SNX29: variants seen among roughly 807,000 people sequenced by gnomAD.
SNX29 encodes the protein sorting nexin-29.
SNX29 carries 78 observed loss-of-function variants against 102.1 expected under a neutral mutation model. The observed-to-expected ratio is 0.76, with a 90% confidence interval of 0.64 to 0.92. SNX29 has a LOEUF of 0.92. Among genes scored for constraint, SNX29 ranks in the 40% least tolerant of loss-of-function variants. The pLI is 0.00. For synonymous variants in SNX29, 580 were observed against 414.5 expected (o/e 1.40, Z -4.85); for missense variants, 1,280 against 1,061.7 (o/e 1.21, Z -2.86).
chr16:12,017,200 A>G (rs567321524), intron 3 of SNX29, among the ~76,000 whole-genome samples: 6 of 152,318 alleles, frequency 3.9e-5, no homozygotes, highest in African/African-American at 9.6e-5. Context: ...TTCTATTCCT[A>G]TTGGCAATAC....
chr16:12,121,941 G>A (rs1350556177), intron 11 of SNX29, among the ~76,000 whole-genome samples: 2 of 151,922 alleles, frequency 1.3e-5, no homozygotes. Flanking sequence ...TCAACCTCCC[G>A]AGTACCCAGG....
At chr16:12,068,929 A>G (rs2051163683) in intron 9 of SNX29, 128 bp from the exon 10 acceptor site, 1 of 774,704 alleles carries the variant, frequency 1.3e-6, no homozygotes, top group Non-Finnish European at 2.1e-6. Flanking sequence ...AGCTTGCAGG[A>G]GAGATGGAGA....
At chr16:12,339,370 CAAAAAA>C (rs58148692) in intron 15 of SNX29, among the ~76,000 whole-genome samples, 14 of 56,282 alleles carry the variant, frequency 2.5e-4, no homozygotes, top group Admixed American at 1.3e-3. Context: ...GATTCTGTCT[CAAAAAA>C]AAAAAAAAAA....
At chr16:12,224,030 C>A (rs747053560) in intron 14 of SNX29, among the ~76,000 whole-genome samples, 1 of 152,212 alleles carries the variant, frequency 6.6e-6, no homozygotes, top group African/African-American at 2.4e-5. Context: ...TCCAGAGCCA[C>A]GGCTTCTACC....
At chr16:12,173,644 G>C (rs895552158) in intron 13 of SNX29, among the ~76,000 whole-genome samples, 1 of 152,186 alleles carries the variant, frequency 6.6e-6, no homozygotes, top group East Asian at 1.9e-4. Context: ...AACACCTTCT[G>C]CTTCTGGAGC....
rs59650769 is a variant in SNX29, at chr16:12,481,513, GACACAC to G, written c.2178+3691_2178+3696del. On this transcript the variant is annotated intron_variant, in intron 19 of 20. Transcript: ENST00000566228. Reference sequence around the variant, plus strand: ...ATACACATATGTACATATACATATAGACACACACACACACACACACACACACACACA... The same window carrying G: ...ATACACATATGTACATATACATATAGACACACACACACACACACACACACA... Among the ~76,000 whole-genome samples, 608 of 125,656 alleles carry G rather than the reference GACACAC, an allele frequency of 4.8e-3. 13 individuals are homozygous for G. Among genetic ancestry groups the G allele is most frequent in the African/African-American group, 0.016 (476 of 30,556 alleles). 82.4% of individuals were successfully genotyped at this position (125,656 alleles called of 152,430 possible). A position where few individuals can be genotyped will look rare whatever the true frequency, so the allele number is the denominator to read the frequency against.
At chr16:11,978,311 T>TG (rs2150955313) in intron 1 of SNX29, among the ~76,000 whole-genome samples, 1 of 152,310 alleles carries the variant, frequency 6.6e-6, no homozygotes, top group South Asian at 2.1e-4. Flanking sequence ...TGAGGTAGGT[T>TG]GGTGTAAGTG....
At position 12,080,463 on chromosome 16, in the gene SNX29, A is replaced by G. The variant is rs1296038983; in HGVS notation, c.1402+1548A>G. On this transcript the variant is annotated intron_variant, in intron 11 of 20. Coordinates refer to ENST00000566228, the MANE Select transcript of SNX29 (RefSeq NM_032167.5). ...TGGGACACAGGGTGGGTGAGTATGT[A>G]GCTGGCTGCTTTTCACCTGTCAATC... 3.3e-5 allele frequency among the ~76,000 whole-genome samples: 5 copies of G among 152,220 alleles called. 1 individual carries two copies. In the South Asian group the frequency reaches 1.0e-3, roughly 31 times the overall value.
At chr16:12,350,110 G>A (rs2081952492) in intron 15 of SNX29, among the ~76,000 whole-genome samples, 1 of 152,180 alleles carries the variant, frequency 6.6e-6, no homozygotes, top group Admixed American at 6.5e-5. Context: ...CACTGTCATA[G>A]AGTCACTTGC....
At chr16:12,129,909 C>T (rs1185782193) in intron 13 of SNX29, among the ~76,000 whole-genome samples, 151 bp downstream of exon 13, 1 of 151,888 alleles carries the variant, frequency 6.6e-6, no homozygotes, top group Non-Finnish European at 1.5e-5. Context: ...TCGAGACCAT[C>T]CTGGCTAACA....
At chr16:12,252,354 G>A (rs1468832886) in intron 14 of SNX29, among the ~76,000 whole-genome samples, 17 of 152,186 alleles carry the variant, frequency 1.1e-4, no homozygotes, top group Non-Finnish European at 2.9e-5. Context: ...CCCACCTGGC[G>A]GCTACCTCTC....
At chr16:12,542,800 G>T (rs1384488156) in intron 20 of SNX29, among the ~76,000 whole-genome samples, 1 of 151,372 alleles carries the variant, frequency 6.6e-6, no homozygotes, top group African/African-American at 2.4e-5. Context: ...AAATCAGCAA[G>T]TAAGTGAAGT....
intron 14 of SNX29, 131 bp downstream of exon 14, chr16:12,199,814 C>T (rs969745176): frequency 4.9e-5 from 36 of 732,618 alleles, no homozygotes; most frequent in East Asian, 2.8e-4. Context: ...TGCTGCTCAG[C>T]GTTCCAGAAA....
intron 13 of SNX29, among the ~76,000 whole-genome samples, chr16:12,156,959 G>A (rs191471132): frequency 5.9e-5 from 9 of 152,298 alleles, no homozygotes; most frequent in South Asian, 2.1e-4. Context: ...TGTTTTAGTC[G>A]TGTTTCTCCT....
chr16:12,507,411 C>T (rs1289210299), intron 19 of SNX29, among the ~76,000 whole-genome samples: 1 of 152,210 alleles, frequency 6.6e-6, no homozygotes, highest in African/African-American at 2.4e-5. Context: ...GAATCGAACC[C>T]TCCCCAATTC....
At chr16:12,004,811 C>G (rs2056401958) in intron 3 of SNX29, among the ~76,000 whole-genome samples, 1 of 152,214 alleles carries the variant, frequency 6.6e-6, no homozygotes, top group South Asian at 2.1e-4. Context: ...ATTATCCATT[C>G]CTTCTTTGCT....
At chr16:12,552,322 A>C (rs139461639) in intron 20 of SNX29, among the ~76,000 whole-genome samples, 1 of 152,084 alleles carries the variant, frequency 6.6e-6, no homozygotes, top group African/African-American at 2.4e-5. Flanking sequence ...GTGATAATGG[A>C]ACTCCTCTCC....
chr16:12,333,356 C>T (rs534605973), intron 15 of SNX29, among the ~76,000 whole-genome samples: 30 of 151,950 alleles, frequency 2.0e-4, no homozygotes, highest in Middle Eastern at 3.4e-3. Flanking sequence ...CTGCCTGCCT[C>T]GGCCTCCCAA....
chr16:12,428,970 C>G lies in SNX29; in HGVS notation c.2037+25441C>G, dbSNP rs112102895. Among the ~76,000 whole-genome samples the G allele has an allele frequency of 1.6e-3, 237 of 151,788 alleles. 2 individuals are homozygous for G. Among genetic ancestry groups the G allele is most frequent in the Non-Finnish European group, 5.2e-4 (35 of 67,956 alleles). On this transcript the variant is annotated intron_variant, in intron 18 of 20. Transcript: ENST00000566228. ...CCTAGTTAATTACAACACACAGATA[C>G]GATTGCGATTAATAGTTCTTTCTAG...
Sources: allele counts gnomAD v4.1 joint callset (sites outside exome capture counted in the v4.1 genomes callset), GRCh38; gene constraint gnomAD v4.1.1; transcripts MANE v1.5; gene names NCBI Gene and HGNC (gene_info 2026-07-23, HGNC 2026-07-21).